The following FRMD4B variants were observed in gnomAD, a reference collection of about 807,000 sequenced individuals.
The protein encoded by FRMD4B is FERM domain containing 4B.
FRMD4B carries 74 observed loss-of-function variants against 141.5 expected under a neutral mutation model. That is an observed-to-expected ratio of 0.52 (90% CI 0.43 to 0.63). The LOEUF (loss-of-function observed/expected upper bound fraction) is 0.63. Ranked by LOEUF, FRMD4B falls within the 30% of genes least tolerant of loss-of-function variation. The pLI is 0.00. For missense variants in FRMD4B, 1,366 were observed against 1,253.4 expected (o/e 1.09, Z -1.36); for synonymous variants, 506 against 467.9 (o/e 1.08, Z -1.05).
At chr3:69,466,698 TTTC>T (rs1705793472) in intron 1 of FRMD4B, among the ~76,000 whole-genome samples, 1 of 151,984 alleles carries the variant, frequency 6.6e-6, no homozygotes. Flanking sequence ...AGCAAAACCT[TTTC>T]TTTTCTTTTA....
intron 4 of FRMD4B, among the ~76,000 whole-genome samples, chr3:69,291,910 C>CTTTT (rs35703345): frequency 1.1e-4 from 12 of 105,530 alleles, no homozygotes; most frequent in African/African-American, 3.9e-4. Context: ...ACAGGAATCT[C>CTTTT]TTTTTTTTTT....
intron 1 of FRMD4B, among the ~76,000 whole-genome samples, chr3:69,528,260 T>C (rs1249837155): frequency 6.8e-6 from 1 of 146,246 alleles, no homozygotes; most frequent in African/African-American, 2.5e-5. Flanking sequence ...CTCCCTCCCT[T>C]CCTTCCTTCC....
intron 1 of FRMD4B, among the ~76,000 whole-genome samples, chr3:69,501,064 G>A (rs1706487498): frequency 6.6e-6 from 1 of 152,052 alleles, no homozygotes; most frequent in African/African-American, 2.4e-5. Flanking sequence ...TATCCTATCA[G>A]TAAAAAAATT....
chr3:69,342,033 T>A (rs1445181489), intron 1 of FRMD4B, among the ~76,000 whole-genome samples: 1 of 152,230 alleles, frequency 6.6e-6, no homozygotes, highest in Admixed American at 6.5e-5. Context: ...CTTAGGGCTG[T>A]AGTTCTTAAG....
intron 7 of FRMD4B, among the ~76,000 whole-genome samples, chr3:69,240,044 ACT>A (rs1399789823): frequency 1.5e-4 from 22 of 151,546 alleles, no homozygotes; most frequent in East Asian, 3.9e-4. Context: ...ACAGAGCAAG[ACT>A]CTGTCTCAAA....
At chr3:69,505,546 C>T (rs1463354163) in intron 1 of FRMD4B, among the ~76,000 whole-genome samples, 3 of 152,130 alleles carry the variant, frequency 2.0e-5, no homozygotes, top group Non-Finnish European at 4.4e-5. Flanking sequence ...TCACTTTGTC[C>T]TTGTAAGTAG....
At chr3:69,508,617 A>G (rs1706637129) in intron 1 of FRMD4B, among the ~76,000 whole-genome samples, 1 of 152,226 alleles carries the variant, frequency 6.6e-6, no homozygotes, top group Admixed American at 6.5e-5. Flanking sequence ...CTGCCCAGAT[A>G]AAGCTTGGAG....
intron 2 of FRMD4B, among the ~76,000 whole-genome samples, chr3:69,430,293 T>C (rs564676500): frequency 1.3e-5 from 2 of 152,094 alleles, no homozygotes; most frequent in African/African-American, 4.8e-5. Flanking sequence ...ACCTCAAGGG[T>C]AAAACGTACT....
chr3:69,249,097 G>C, intron 7 of FRMD4B, 129 bp downstream of exon 7: 2 of 612,040 alleles, frequency 3.3e-6, no homozygotes, highest in Non-Finnish European at 5.8e-6. Flanking sequence ...GAAGAGCGAA[G>C]AGATCTCAGT....
At chr3:69,387,303 G>A (rs1704280950), upstream of FRMD4B, among the ~76,000 whole-genome samples, 1 of 152,060 alleles carries the variant, frequency 6.6e-6, no homozygotes, top group African/African-American at 2.4e-5. Flanking sequence ...TTTTTGTAGA[G>A]ATGGGGTCTC....
At chr3:69,432,872 TACAGTTTAATC>T (rs1371901575) in intron 1 of FRMD4B, 4 of 152,232 alleles carry the variant, frequency 2.6e-5, no homozygotes, top group Admixed American at 6.5e-5. Flanking sequence ...CCTGGCTGAC[TACAGTTTAATC>T]ACAGTTTTAG....
chr3:69,267,676 GA>G (rs1559765613), intron 5 of FRMD4B, among the ~76,000 whole-genome samples: 11 of 113,378 alleles, frequency 9.7e-5, no homozygotes, highest in South Asian at 3.3e-4. Flanking sequence ...GAGAGAGAGA[GA>G]GAGAGAGAGA....
rs199535502 is a variant in FRMD4B at position 69,198,708 on chromosome 3, C to A, written c.943G>T (p.Asp315Tyr). 6.5e-7 allele frequency: 1 copy of A among 1,535,306 alleles called. No homozygotes were observed. The highest frequency in any genetic ancestry group is 1.2e-5 in the South Asian group (1 of 85,178). Residue 315 changes from aspartate (D) to tyrosine (Y), a missense_variant, in exon 12 of 23, where the codon GAT becomes TAT. Asp to Tyr is a radical substitution (Grantham distance 160, BLOSUM62 -3). Coordinates refer to ENST00000398540, the MANE Select transcript of FRMD4B (RefSeq NM_015123.3). ...REKKFAVEVH[D>Y]PRRISVSRRT... Reference sequence around the variant, plus strand: ...GTCTTTGATCCTCACCTTCGTGGATCATGAACTTCAACAGCAAATTTTTTC... The same window carrying A: ...GTCTTTGATCCTCACCTTCGTGGATAATGAACTTCAACAGCAAATTTTTTC...
upstream of FRMD4B, among the ~76,000 whole-genome samples, chr3:69,389,032 CTT>C (rs34005688): frequency 4.2e-3 from 455 of 108,728 alleles, 1 homozygote; most frequent in Middle Eastern, 0.015. Flanking sequence ...TCTTAGTCTA[CTT>C]TTTTTTTTTT....
chr3:69,286,570 C>A (rs532062406), intron 5 of FRMD4B, among the ~76,000 whole-genome samples: 5 of 151,840 alleles, frequency 3.3e-5, no homozygotes, highest in South Asian at 2.1e-4. Context: ...GCTCAATAAC[C>A]CTAAAAGAAG....
At chr3:69,489,464 G>T (rs552011601) in intron 1 of FRMD4B, among the ~76,000 whole-genome samples, 3 of 152,240 alleles carry the variant, frequency 2.0e-5, no homozygotes, top group Non-Finnish European at 4.4e-5. Context: ...ATATATAAAT[G>T]AGTAGTAGGT....
At chr3:69,190,919 A>G (rs2092828506) in intron 17 of FRMD4B, among the ~76,000 whole-genome samples, 1 of 152,218 alleles carries the variant, frequency 6.6e-6, no homozygotes, top group Non-Finnish European at 1.5e-5. Context: ...CACCTGGCTC[A>G]ATCCCACAAT....
At chr3:69,531,818 T>G (rs759987871) in intron 1 of FRMD4B, among the ~76,000 whole-genome samples, 4 of 152,240 alleles carry the variant, frequency 2.6e-5, no homozygotes, top group Non-Finnish European at 5.9e-5. Context: ...TTATCTGAAC[T>G]GTTTAAAGCA....
At chr3:69,185,882 A>G (rs1218373978) in intron 19 of FRMD4B, among the ~76,000 whole-genome samples, 1 of 152,014 alleles carries the variant, frequency 6.6e-6, no homozygotes, top group East Asian at 1.9e-4. Context: ...TCTCTACTAA[A>G]GATACAAAAA....
Sources: gnomAD v4.1 joint callset for allele counts (sites outside exome capture counted in the v4.1 genomes callset) on GRCh38, gnomAD v4.1.1 for gene constraint, MANE v1.5 for transcripts, NCBI Gene and HGNC (gene_info 2026-07-23, HGNC 2026-07-21) for gene names.